GABRB1: variants seen among roughly 807,000 people sequenced by gnomAD.
The protein encoded by GABRB1 is gamma-aminobutyric acid type A receptor subunit beta1, also known as gamma-aminobutyric acid receptor subunit beta-1.
A neutral mutation model predicts 51.6 loss-of-function variants in GABRB1; 17 were observed. The ratio of observed to expected loss-of-function variants is 0.33; its 90% CI spans 0.23 to 0.49. The LOEUF is 0.49. Ranked by LOEUF, GABRB1 falls within the 20% of genes least tolerant of loss-of-function variation. The pLI, the probability that GABRB1 is intolerant of heterozygous loss-of-function variation, is 0.99. For missense variants in GABRB1, 410 were observed against 600.6 expected (o/e 0.68, Z 3.32); for synonymous variants, 247 against 218.9 (o/e 1.13, Z -1.14).
Position 47,135,802 on chromosome 4 carries a change from TA to T in GABRB1, c.241-25438del, listed in dbSNP as rs531727463. 3.8e-3 allele frequency among the ~76,000 whole-genome samples: 578 copies of T among 151,512 alleles called. 2 individuals are homozygous for T. The highest frequency in any genetic ancestry group is 0.012 in the African/African-American group (516 of 41,346). ...AAGCTTTAGTGGCTCTTTCCTGACT[TA>T]AAAAAAAACTAAGTAATAATACAGA... On this transcript the variant is annotated intron_variant, in intron 3 of 8. Coordinates refer to ENST00000295454, the MANE Select transcript of GABRB1 (RefSeq NM_000812.4).
intron 4 of GABRB1, among the ~76,000 whole-genome samples, chr4:47,249,027 G>A (rs887173670): frequency 6.6e-6 from 1 of 151,674 alleles, no homozygotes; most frequent in Non-Finnish European, 1.5e-5. Flanking sequence ...CTTTATTCTT[G>A]GTTATTTCCT....
chr4:47,055,482 C>T (rs949811407), intron 3 of GABRB1, among the ~76,000 whole-genome samples: 13 of 152,162 alleles, frequency 8.5e-5, no homozygotes, highest in Non-Finnish European at 1.5e-4. Flanking sequence ...ACCATTTACA[C>T]GAGCATGCAC....
intron 1 of GABRB1, among the ~76,000 whole-genome samples, chr4:47,002,671 C>A (rs971847106): frequency 1.3e-5 from 2 of 152,034 alleles, no homozygotes; most frequent in Admixed American, 1.3e-4. Context: ...TAGATATATA[C>A]TAGCCTGCCA....
At chr4:47,247,028 T>C (rs183652717) in intron 4 of GABRB1, among the ~76,000 whole-genome samples, 168 of 152,316 alleles carry the variant, frequency 1.1e-3, no homozygotes, top group African/African-American at 3.9e-3. Flanking sequence ...TTTAGTTTAA[T>C]TAAGTCCCAA....
chr4:47,095,049 AGTATTTGAAT>A (rs1298373536), intron 3 of GABRB1, among the ~76,000 whole-genome samples: 2 of 152,192 alleles, frequency 1.3e-5, no homozygotes, highest in Non-Finnish European at 2.9e-5. Context: ...GAGACAGAAC[AGTATTTGAAT>A]GAAGATTTGG....
rs1243699366 is a variant in GABRB1 at position 47,425,982 on chromosome 4, T to C, written c.1389T>C (p.Leu463=). The change falls in exon 9 of 9, where the codon CTT becomes CTC. Residue 463 remains leucine (L), a synonymous_variant. Transcript: ENST00000295454. ...SRMFFPITFS[L]FNVVYWLYYV... ...TGTTTTTCCCCATCACCTTTTCTCT[T>C]TTTAATGTCGTCTATTGGCTTTACT... The C allele has an allele frequency of 6.2e-7, 1 of 1,607,460 alleles. No individual in the cohort carries two copies. Among genetic ancestry groups the C allele is most frequent in the South Asian group, 1.1e-5 (1 of 90,110 alleles).
intron 4 of GABRB1, among the ~76,000 whole-genome samples, chr4:47,277,450 G>A (rs1354287621): frequency 6.6e-6 from 1 of 151,982 alleles, no homozygotes; most frequent in East Asian, 1.9e-4. Context: ...CTATTTGATA[G>A]CACAATAGGG....
chr4:47,302,474 A>T (rs959747280), intron 4 of GABRB1, among the ~76,000 whole-genome samples: 4 of 152,012 alleles, frequency 2.6e-5, no homozygotes, highest in Non-Finnish European at 5.9e-5. Context: ...AAGATTCACA[A>T]ATATTAACTT....
At chr4:47,034,808 C>T (rs1725481593) in intron 3 of GABRB1, among the ~76,000 whole-genome samples, 1 of 152,010 alleles carries the variant, frequency 6.6e-6, no homozygotes, top group Non-Finnish European at 1.5e-5. Context: ...CCCGCACCCC[C>T]AAAAGAGAAT....
At chr4:47,123,217 C>A (rs1319073781) in intron 3 of GABRB1, among the ~76,000 whole-genome samples, 4 of 147,574 alleles carry the variant, frequency 2.7e-5, no homozygotes, top group Admixed American at 2.1e-4. Context: ...CTATTCTGGG[C>A]TAGAGACGAA....
chr4:47,425,682 C>A lies in GABRB1; in HGVS notation c.1089C>A (p.Ala363=). Reference sequence around the variant, plus strand: ...GTTCTTTTTGCCATCAGGTCGACGCCCACGGTAACATTCTCCTCAGCACCC... The same window carrying A: ...GTTCTTTTTGCCATCAGGTCGACGCACACGGTAACATTCTCCTCAGCACCC... ...KLEMNKVQVD[A]HGNILLSTLE... is the part of the protein sequence containing the mutation. The change falls in exon 9 of 9, where the codon GCC becomes GCA. Residue 363 remains alanine, a synonymous_variant. Transcript: ENST00000295454. 1 of 1,596,902 alleles carries A rather than the reference C, an allele frequency of 6.3e-7. No individual in the cohort carries two copies. Among genetic ancestry groups the A allele is most frequent in the Non-Finnish European group, 8.5e-7 (1 of 1,170,240 alleles).
Position 47,001,174 on chromosome 4 carries a change from G to A in GABRB1, c.-20+7248G>A, listed in dbSNP as rs191071951. On this transcript the variant is annotated intron_variant, in intron 1 of 3. Transcript: ENST00000513567. ...TTTTTATTTTTTGAGATGGAGTCTC[G>A]CTCTGTCGCCCAGGCTGGAGTACAG... 4.4e-4 allele frequency among the ~76,000 whole-genome samples: 67 copies of A among 152,032 alleles called. No individual in the cohort carries two copies. The East Asian group carries it at 9.7e-3, about 22-fold the overall frequency.
chr4:47,367,527 C>CTGGT (rs1398681392), intron 5 of GABRB1, among the ~76,000 whole-genome samples: 1 of 152,160 alleles, frequency 6.6e-6, no homozygotes, highest in African/African-American at 2.4e-5. Context: ...AAGAAAAATG[C>CTGGT]TGGTAATTGA....
intron 8 of GABRB1, among the ~76,000 whole-genome samples, chr4:47,410,448 T>C (rs964644099): frequency 6.6e-6 from 1 of 152,228 alleles, no homozygotes; most frequent in African/African-American, 2.4e-5. Context: ...TCCATGTTTA[T>C]GCAGCTTTTC....
chr4:47,167,620 T>C (rs1472840756), intron 4 of GABRB1, among the ~76,000 whole-genome samples: 5 of 152,150 alleles, frequency 3.3e-5, no homozygotes, highest in Admixed American at 2.6e-4. Flanking sequence ...AAAACTCATA[T>C]GGAAATGTAA....
rs1165939097 is a variant in GABRB1 at position 47,007,866 on chromosome 4, G to GTATATATATATA, written c.-20+13957_-20+13968dup. ...TTAAAGGACGTATACCTTGGAACTG[G>GTATATATATATA]TATATATATATATATATATATATAT... On this transcript the variant is annotated intron_variant, in intron 1 of 3. Transcript: ENST00000513567. 6.2e-3 allele frequency among the ~76,000 whole-genome samples: 309 copies of GTATATATATATA among 49,822 alleles called. 12 individuals carry two copies. The highest frequency in any genetic ancestry group is 0.018 in the East Asian group (34 of 1,892). 32.7% of individuals were successfully genotyped at this position (49,822 alleles called of 152,430 possible). A position where few individuals can be genotyped will look rare whatever the true frequency, so the allele number is the denominator to read the frequency against.
intron 4 of GABRB1, among the ~76,000 whole-genome samples, chr4:47,311,430 A>T (rs903530550): frequency 6.6e-6 from 1 of 151,650 alleles, no homozygotes; most frequent in African/African-American, 2.4e-5. Context: ...AAAAAAAAAA[A>T]AAAGATAGTC....
intron 4 of GABRB1, among the ~76,000 whole-genome samples, chr4:47,297,545 A>T (rs1307353236): frequency 6.6e-6 from 1 of 152,188 alleles, no homozygotes; most frequent in Non-Finnish European, 1.5e-5. Flanking sequence ...ACACCCTCCC[A>T]AGACTAAACC....
At position 47,311,026 on chromosome 4, in the gene GABRB1, A is replaced by C. The variant is rs1045108350; in HGVS notation, c.462-9101A>C. Among the ~76,000 whole-genome samples, 14 of 127,980 alleles carry C rather than the reference A, an allele frequency of 1.1e-4. No homozygotes were observed. In the Admixed American group the frequency reaches 1.3e-3, roughly 12 times the overall value. The allele number at this position is 127,980 out of a possible 152,430, so 84.0% of individuals were successfully genotyped here. ...CAGTGAGCCAAGATCGCACCACTGCACTCCAACCTGGGTAACAGAGAGCAA... is the reference window on the plus strand; with the variant it reads ...CAGTGAGCCAAGATCGCACCACTGCCCTCCAACCTGGGTAACAGAGAGCAA... On this transcript the variant is annotated intron_variant, in intron 4 of 8. Transcript: ENST00000295454.
Sources: gnomAD v4.1 joint callset for allele counts (sites outside exome capture counted in the v4.1 genomes callset) on GRCh38, gnomAD v4.1.1 for gene constraint, MANE v1.5 for transcripts, NCBI Gene and HGNC (gene_info 2026-07-23, HGNC 2026-07-21) for gene names.